PCDHGA4: variants seen among roughly 807,000 people sequenced by gnomAD.
PCDHGA4 encodes the protein protocadherin gamma subfamily A, 4.
PCDHGA4 carries 38 observed loss-of-function variants against 54.6 expected under a neutral mutation model. The observed-to-expected ratio is 0.70, with a 90% CI of 0.54 to 0.91. The LOEUF (loss-of-function observed/expected upper bound fraction) is 0.91, where lower values mean the gene tolerates loss of function less well. Among genes scored for constraint, PCDHGA4 ranks in the 40% least tolerant of loss-of-function variants. The pLI, the probability that PCDHGA4 is intolerant of heterozygous loss-of-function variation, is 0.00. For missense variants in PCDHGA4, 1,298 were observed against 1,220.9 expected (o/e 1.06, Z -0.94); for synonymous variants, 511 against 512.9 (o/e 1.00, Z 0.05).
chr5:141,408,555 A>G, intron 1 of PCDHGA4: 1 of 1,614,052 alleles, frequency 6.2e-7, no homozygotes, highest in South Asian at 1.1e-5. Flanking sequence ...AATATTTTTC[A>G]TGTCATTGTG....
At chr5:141,438,583 CATACATACATATATATATATATATATAT>C (rs1227221577) in intron 1 of PCDHGA4, among the ~76,000 whole-genome samples, 1 of 57,610 alleles carries the variant, frequency 1.7e-5, no homozygotes, top group African/African-American at 9.0e-5. Flanking sequence ...TACATACATA[CATACATACATATATATATATATATATAT>C]ATATATATAT....
chr5:141,355,268 T>C lies in PCDHGA4; in HGVS notation c.161T>C (p.Leu54Pro), dbSNP rs1220668152. 1 of 1,613,650 alleles carries C rather than the reference T, an allele frequency of 6.2e-7. No homozygotes were observed. Among genetic ancestry groups the C allele is most frequent in the Admixed American group, 1.7e-5 (1 of 60,032 alleles). ...CAGATCTGCCTTCTCCTGGGGGTTC[T>C]GGTGGAAATCAGGGCCGAACAGATT... The part of the protein sequence containing the change: ...LLQICLLLGV[L>P]VEIRAEQILY... The change falls in exon 1 of 4, where the codon CTG becomes CCG. Residue 54 changes from leucine (L) to proline (P), a missense_variant. Coordinates refer to ENST00000571252, the MANE Select transcript of PCDHGA4 (RefSeq NM_018917.4).
intron 1 of PCDHGA4, chr5:141,376,561 A>C (rs780141155): frequency 4.2e-5 from 67 of 1,608,210 alleles, no homozygotes; most frequent in Non-Finnish European, 5.4e-5. Context: ...CCGCAACCCA[A>C]CTAATCAGAC....
intron 2 of PCDHGA4, among the ~76,000 whole-genome samples, chr5:141,501,331 ACACC>A (rs747366952): frequency 1.4e-5 from 2 of 138,844 alleles, no homozygotes; most frequent in Non-Finnish European, 3.2e-5. Context: ...ACACACACAC[ACACC>A]CCAAACTCAA....
chr5:141,431,709 T>A lies in PCDHGA4; in HGVS notation c.2515-63098T>A. 6.2e-7 allele frequency: 1 copy of A among 1,614,168 alleles called. No individual in the cohort carries two copies. Among genetic ancestry groups the A allele is most frequent in the Non-Finnish European group, 8.5e-7 (1 of 1,180,018 alleles). ...CACGAGGAGTCAGGATTCTACCAGA[T>A]GGAAGTGCAAGCAATGGATAATGCA... On this transcript the variant is annotated intron_variant, in intron 1 of 3. Coordinates refer to ENST00000571252, the MANE Select transcript of PCDHGA4 (RefSeq NM_018917.4). This position sits in a 1 kb window ranked among gnomAD's most constrained non-coding sequence, Gnocchi z 4.8.
intron 1 of PCDHGA4, chr5:141,385,052 G>T (rs559398944): frequency 1.2e-6 from 2 of 1,614,152 alleles, no homozygotes; most frequent in South Asian, 2.2e-5. Context: ...AGGCTGCGGC[G>T]CTGGCACAAG....
intron 3 of PCDHGA4, among the ~76,000 whole-genome samples, chr5:141,508,841 C>A (rs969875150): frequency 6.6e-6 from 1 of 152,140 alleles, no homozygotes; most frequent in East Asian, 1.9e-4. Context: ...TCCCCTACCC[C>A]TTCCATTCCC....
At position 141,418,922 on chromosome 5, in the gene PCDHGA4, C is replaced by G. The variant is rs180948941; in HGVS notation, c.2514+61301C>G. The G allele has an allele frequency of 3.7e-6, 6 of 1,613,994 alleles. 1 individual carries two copies. In the Admixed American group the frequency reaches 6.7e-5, roughly 18 times the overall value. On this transcript the variant is annotated intron_variant, in intron 1 of 3. Coordinates refer to ENST00000571252, the MANE Select transcript of PCDHGA4 (RefSeq NM_018917.4). ...AATAATCATCACGTCACTCTCTGAT[C>G]AGATTATGGAGGATTCCCCTCCAGG...
rs780541121 is a variant in PCDHGA4 at position 141,477,533 on chromosome 5, G to A, written c.2515-17274G>A. ...TTACATTGAAGAAAACAACCTCCCCGGGGCTCCAATACTAAACCTAAGTGT... is the reference window on the plus strand; with the variant it reads ...TTACATTGAAGAAAACAACCTCCCCAGGGCTCCAATACTAAACCTAAGTGT... On this transcript the variant is annotated intron_variant, in intron 1 of 3. Coordinates refer to ENST00000571252, the MANE Select transcript of PCDHGA4 (RefSeq NM_018917.4). This position sits in a 1 kb window ranked among gnomAD's most constrained non-coding sequence, Gnocchi z 4.9. The A allele has an allele frequency of 6.2e-7, 1 of 1,614,010 alleles. No individual in the cohort carries two copies. The highest frequency in any genetic ancestry group is 1.1e-5 in the South Asian group (1 of 91,066).
chr5:141,366,652 C>G lies in PCDHGA4; in HGVS notation c.2514+9031C>G, dbSNP rs559344872. The G allele has an allele frequency of 1.9e-6, 3 of 1,614,282 alleles. No individual in the cohort carries two copies. In the African/African-American group the frequency reaches 4.0e-5, roughly 22 times the overall value. ...GTCACCTGATCTTTCCCCAGCCCAA[C>G]TACGCAGACACGCTCCTTAGTGAAG... On this transcript the variant is annotated intron_variant, in intron 1 of 3. Transcript: ENST00000571252.
rs934816631 is a variant in PCDHGA4, at chr5:141,378,863, G to A, written c.2514+21242G>A. 6 of 152,136 alleles carry A rather than the reference G, an allele frequency of 3.9e-5. No individual in the cohort carries two copies. The East Asian group carries it at 7.7e-4, about 20-fold the overall frequency. The allele number at this position is 152,136 out of a possible 1,614,324, so 9.4% of individuals were successfully genotyped here. ...GAGTTTTTGACTGTCAATGATGTTC[G>A]AATAGAAAATGGATCACTAAGGAGA... On this transcript the variant is annotated intron_variant, in intron 1 of 3. Transcript: ENST00000571252.
intron 3 of PCDHGA4, chr5:141,508,275 T>G (rs1030431371): frequency 6.6e-6 from 1 of 152,138 alleles, no homozygotes. Context: ...ATCCCGGTCC[T>G]TGACCAAGGT....
At chr5:141,460,981 GTGTATATA>G (rs1342006423) in intron 1 of PCDHGA4, among the ~76,000 whole-genome samples, 30 of 121,890 alleles carry the variant, frequency 2.5e-4, no homozygotes, top group African/African-American at 5.8e-4. Flanking sequence ...GTGTGTGTGT[GTGTATATA>G]TATATATGTG....
intron 2 of PCDHGA4, among the ~76,000 whole-genome samples, chr5:141,503,361 C>T (rs1021880248): frequency 6.6e-6 from 1 of 151,886 alleles, no homozygotes; most frequent in Non-Finnish European, 1.5e-5. Context: ...CTTTGGGAAG[C>T]GGAGGCAGGT....
chr5:141,431,904 T>A lies in PCDHGA4; in HGVS notation c.2515-62903T>A. On this transcript the variant is annotated intron_variant, in intron 1 of 3. Transcript: ENST00000571252. The surrounding 1 kb of genome is among the most constrained non-coding windows in gnomAD (Gnocchi z 4.8). ...CAAGATTCTGAGGAAAACGGACAGG[T>A]GATCTGTTTCATCCAAGGAAATCTG... is the stretch of plus-strand genomic sequence containing the variant. 1 of 1,613,846 alleles carries A rather than the reference T, an allele frequency of 6.2e-7. No individual in the cohort carries two copies. Among genetic ancestry groups the A allele is most frequent in the Non-Finnish European group, 8.5e-7 (1 of 1,179,708 alleles).
At chr5:141,401,935 T>C (rs1026278615) in intron 1 of PCDHGA4, among the ~76,000 whole-genome samples, 4 of 152,240 alleles carry the variant, frequency 2.6e-5, no homozygotes, top group African/African-American at 9.6e-5. Flanking sequence ...CTTAGAATAA[T>C]GTTTAAGACC....
rs757157488 is a variant in PCDHGA4 at position 141,477,668 on chromosome 5, A to G, written c.2515-17139A>G. ...TTTCACAATAAATCGTGACAATGGC[A>G]TAGTGTCATCCTTAGTGCCCCTAGA... On this transcript the variant is annotated intron_variant, in intron 1 of 3. Coordinates refer to ENST00000571252, the MANE Select transcript of PCDHGA4 (RefSeq NM_018917.4). The surrounding 1 kb of genome is among the most constrained non-coding windows in gnomAD (Gnocchi z 4.9). 10 of 1,614,104 alleles carry G rather than the reference A, an allele frequency of 6.2e-6. No individual in the cohort carries two copies. Among genetic ancestry groups the G allele is most frequent in the Non-Finnish European group, 8.5e-6 (10 of 1,180,046 alleles).
chr5:141,404,485 T>C (rs780359921), intron 1 of PCDHGA4: 2 of 1,613,490 alleles, frequency 1.2e-6, no homozygotes, highest in Admixed American at 1.7e-5. Context: ...ACTCAGACAC[T>C]GGTGTGCTGT....
rs771162471 is a variant in PCDHGA4 at position 141,376,386 on chromosome 5, T to C, written c.2514+18765T>C. 3 of 1,614,116 alleles carry C rather than the reference T, an allele frequency of 1.9e-6. No homozygotes were observed. The African/African-American group carries it at 4.0e-5, about 22-fold the overall frequency. Reference sequence around the variant, plus strand: ...ACTGCAGACTCGCGTAAGAGTCATCTGATTTTCCCCCAGCCCAACTATGCC... The same window carrying C: ...ACTGCAGACTCGCGTAAGAGTCATCCGATTTTCCCCCAGCCCAACTATGCC... On this transcript the variant is annotated intron_variant, in intron 1 of 3. Coordinates refer to ENST00000571252, the MANE Select transcript of PCDHGA4 (RefSeq NM_018917.4).
Sources: allele counts gnomAD v4.1 joint callset (sites outside exome capture counted in the v4.1 genomes callset), GRCh38; gene constraint gnomAD v4.1.1; non-coding constraint Gnocchi (gnomAD v3.1); transcripts MANE v1.5; gene names NCBI Gene and HGNC (gene_info 2026-07-23, HGNC 2026-07-21).